EYS: variants seen among roughly 807,000 people sequenced by gnomAD.
EYS encodes the protein protein eyes shut homolog.
EYS carries 250 observed loss-of-function variants against 282.1 expected under a neutral mutation model. The ratio of observed to expected loss-of-function variants is 0.89; its 90% CI spans 0.80 to 0.98. The LOEUF (loss-of-function observed/expected upper bound fraction) is 0.98. EYS is among the 50% of genes least tolerant of loss of function. The pLI is 0.00. For missense variants in EYS, 4,016 were observed against 3,709.0 expected, an observed-to-expected ratio of 1.08 and a Z score of -2.15; for synonymous variants, 1,355 against 1,282.9, an observed-to-expected ratio of 1.06 and a Z score of -1.20.
chr6:64,496,759 A>T (rs1400764616), intron 26 of EYS, among the ~76,000 whole-genome samples: 1 of 152,022 alleles, frequency 6.6e-6, no homozygotes, highest in African/African-American at 2.4e-5. Context: ...CATTCTTTAA[A>T]CTTTGCGGAT....
chr6:64,392,354 CA>C, intron 28 of EYS, among the ~76,000 whole-genome samples: 1 of 150,086 alleles, frequency 6.7e-6, no homozygotes, highest in East Asian at 2.0e-4. Context: ...ACACCTATTC[CA>C]AAATTGACCA....
At chr6:64,970,220 A>G (rs1453568858) in intron 14 of EYS, among the ~76,000 whole-genome samples, 1 of 152,180 alleles carries the variant, frequency 6.6e-6, no homozygotes, top group East Asian at 1.9e-4. Flanking sequence ...AGTTTATCGT[A>G]TTATTCACTA....
intron 19 of EYS, among the ~76,000 whole-genome samples, chr6:64,842,514 G>C (rs1405165778): frequency 6.6e-6 from 1 of 151,930 alleles, no homozygotes; most frequent in African/African-American, 2.4e-5. Context: ...GAGCTCAGGA[G>C]AAGACAGAAA....
intron 5 of EYS, among the ~76,000 whole-genome samples, chr6:65,481,329 T>C (rs993658088): frequency 6.9e-6 from 1 of 144,652 alleles, no homozygotes; most frequent in African/African-American, 2.5e-5. Context: ...CATATATGTA[T>C]ATCTGTTTAA....
At chr6:65,375,152 G>A (rs1003095533) in intron 8 of EYS, among the ~76,000 whole-genome samples, 5 of 152,112 alleles carry the variant, frequency 3.3e-5, no homozygotes, top group Admixed American at 6.5e-5. Context: ...GGCATCTGGT[G>A]GGTGCCCCTC....
intron 41 of EYS, among the ~76,000 whole-genome samples, chr6:63,734,753 G>A (rs1387981680): frequency 6.6e-6 from 1 of 152,100 alleles, no homozygotes; most frequent in Non-Finnish European, 1.5e-5. Flanking sequence ...TGGAGAAGAT[G>A]TGGAGCTCAG....
intron 5 of EYS, among the ~76,000 whole-genome samples, chr6:65,417,762 T>C (rs1487932499): frequency 6.6e-6 from 1 of 152,050 alleles, no homozygotes; most frequent in Non-Finnish European, 1.5e-5. Flanking sequence ...GTTATGCCTA[T>C]TATAAGCAAG....
intron 26 of EYS, among the ~76,000 whole-genome samples, chr6:64,450,037 C>T (rs1192444196): frequency 6.6e-6 from 1 of 152,012 alleles, no homozygotes; most frequent in African/African-American, 2.4e-5. Flanking sequence ...GGGATAAATG[C>T]TCCAATTAAA....
At chr6:64,253,025 T>C (rs760190970) in intron 30 of EYS, among the ~76,000 whole-genome samples, 1 of 152,114 alleles carries the variant, frequency 6.6e-6, no homozygotes, top group African/African-American at 2.4e-5. Flanking sequence ...GCATATTACA[T>C]ATCATGTTGA....
chr6:65,125,017 A>G (rs931524173), intron 12 of EYS, among the ~76,000 whole-genome samples: 3 of 152,320 alleles, frequency 2.0e-5, no homozygotes, highest in East Asian at 1.9e-4. Flanking sequence ...ATCCTTCTTC[A>G]CTGCTAGTAG....
intron 12 of EYS, among the ~76,000 whole-genome samples, chr6:65,231,470 C>T (rs1766781566): frequency 6.6e-6 from 1 of 151,422 alleles, no homozygotes; most frequent in African/African-American, 2.4e-5. Context: ...AGACTCTTTA[C>T]CTAATTATGA....
chr6:65,184,494 C>T (rs1191852719), intron 12 of EYS, among the ~76,000 whole-genome samples: 1 of 151,532 alleles, frequency 6.6e-6, no homozygotes, highest in East Asian at 2.0e-4. Flanking sequence ...TTGGAGAAAA[C>T]AAACATTCAA....
intron 30 of EYS, among the ~76,000 whole-genome samples, chr6:64,282,474 GCAACTTAGAAT>G (rs1333448687): frequency 1.3e-5 from 2 of 152,064 alleles, no homozygotes; most frequent in South Asian, 2.1e-4. Flanking sequence ...ATCTAACAAA[GCAACTTAGAAT>G]CAACTTAGAA....
chr6:64,061,755 C>T (rs1382296742), intron 33 of EYS, among the ~76,000 whole-genome samples: 6 of 151,920 alleles, frequency 3.9e-5, no homozygotes, highest in South Asian at 2.1e-4. Flanking sequence ...TTAGGAGGGC[C>T]GTGGAGGGTG....
At chr6:64,455,204 C>A (rs1300589094) in intron 26 of EYS, among the ~76,000 whole-genome samples, 2 of 152,030 alleles carry the variant, frequency 1.3e-5, no homozygotes, top group Non-Finnish European at 2.9e-5. Flanking sequence ...GCATGAGCCA[C>A]CACACCCAAA....
intron 31 of EYS, among the ~76,000 whole-genome samples, chr6:64,188,730 C>T (rs1480054339): frequency 1.3e-5 from 2 of 151,754 alleles, no homozygotes; most frequent in African/African-American, 4.8e-5. Context: ...AAAAGCCTGA[C>T]ATATAGTAAT....
At chr6:64,488,172 C>A (rs1776631874) in intron 26 of EYS, among the ~76,000 whole-genome samples, 1 of 151,068 alleles carries the variant, frequency 6.6e-6, no homozygotes, top group South Asian at 2.1e-4. Flanking sequence ...AAAAAATAAT[C>A]TCTTCTGATA....
intron 16 of EYS, among the ~76,000 whole-genome samples, chr6:64,906,371 A>C (rs1317289369): frequency 2.6e-5 from 4 of 152,176 alleles, no homozygotes; most frequent in African/African-American, 2.4e-5. Flanking sequence ...AATTTTCTAA[A>C]TTCAAATTTC....
intron 22 of EYS, among the ~76,000 whole-genome samples, chr6:64,775,089 TA>T (rs1282351726): frequency 6.6e-5 from 10 of 151,926 alleles, no homozygotes; most frequent in Non-Finnish European, 1.3e-4. Flanking sequence ...TCTCCTGGGA[TA>T]AAACAGCAGG....
Sources: allele counts gnomAD v4.1 joint callset (sites outside exome capture counted in the v4.1 genomes callset), GRCh38; gene constraint gnomAD v4.1.1; transcripts MANE v1.5; gene names NCBI Gene and HGNC (gene_info 2026-07-23, HGNC 2026-07-21).